Variants in TMEM117 observed in about 807,000 individuals in gnomAD.
TMEM117 encodes transmembrane protein 117.
TMEM117 carries 27 observed loss-of-function variants against 52.4 expected under a neutral mutation model. That is an observed-to-expected ratio of 0.51 (90% CI 0.38 to 0.71). TMEM117 has a LOEUF of 0.71. Among genes scored for constraint, TMEM117 ranks in the 30% least tolerant of loss-of-function variants. The pLI, the probability that TMEM117 is intolerant of heterozygous loss-of-function variation, is 0.00. For missense variants in TMEM117, 556 were observed against 630.5 expected (o/e 0.88, Z 1.26); for synonymous variants, 215 against 206.3 (o/e 1.04, Z -0.36).
At chr12:44,103,719 G>A (rs1947903533) in intron 3 of TMEM117, among the ~76,000 whole-genome samples, 1 of 151,962 alleles carries the variant, frequency 6.6e-6, no homozygotes, top group Non-Finnish European at 1.5e-5. Context: ...CAACTATGAG[G>A]TGACAAATGT....
chr12:44,218,214 G>C (rs1359956615), intron 5 of TMEM117, among the ~76,000 whole-genome samples: 5 of 148,706 alleles, frequency 3.4e-5, no homozygotes, highest in South Asian at 4.2e-4. Flanking sequence ...ACAGAGTAAG[G>C]CTCCGTCAAA....
chr12:44,279,259 A>T (rs1362776020), intron 5 of TMEM117, among the ~76,000 whole-genome samples: 1 of 152,180 alleles, frequency 6.6e-6, no homozygotes, highest in Non-Finnish European at 1.5e-5. Flanking sequence ...TTCTCCATTC[A>T]TGAACATAAT....
At chr12:44,145,879 C>T (rs1948635859) in intron 4 of TMEM117, among the ~76,000 whole-genome samples, 1 of 152,144 alleles carries the variant, frequency 6.6e-6, no homozygotes, top group Admixed American at 6.5e-5. Context: ...TCATGCCAGC[C>T]ATTTATTACA....
the TMEM117 span, among the ~76,000 whole-genome samples, chr12:43,810,488 T>C: frequency 4.6e-5 from 7 of 152,180 alleles, no homozygotes; most frequent in African/African-American, 1.4e-4. Flanking sequence ...CACAGGCCAC[T>C]CCAGACTTTC....
chr12:43,976,745 A>G (rs541364767), intron 3 of TMEM117, among the ~76,000 whole-genome samples: 3 of 152,166 alleles, frequency 2.0e-5, no homozygotes, highest in Admixed American at 1.3e-4. Flanking sequence ...CTGATCTCCT[A>G]CATCTCCCCC....
chr12:43,925,969 A>G (rs1944772062), intron 2 of TMEM117, among the ~76,000 whole-genome samples: 1 of 152,228 alleles, frequency 6.6e-6, no homozygotes, highest in South Asian at 2.1e-4. Flanking sequence ...GCCACTTGCC[A>G]TGTATGTGCA....
At chr12:44,099,468 T>C in intron 3 of TMEM117, among the ~76,000 whole-genome samples, 1 of 152,080 alleles carries the variant, frequency 6.6e-6, no homozygotes, top group East Asian at 1.9e-4. Context: ...TGTGGAAGTT[T>C]AATTATTTAC....
chr12:44,377,948 A>G (rs570115665), intron 7 of TMEM117, among the ~76,000 whole-genome samples: 1 of 152,282 alleles, frequency 6.6e-6, no homozygotes, highest in East Asian at 1.9e-4. Flanking sequence ...CCTATTCAAA[A>G]TGAATGAGGC....
intron 2 of TMEM117, among the ~76,000 whole-genome samples, chr12:43,912,563 G>T (rs1416845296): frequency 1.4e-5 from 2 of 144,478 alleles, no homozygotes; most frequent in Non-Finnish European, 3.0e-5. Context: ...CATGTGGGCA[G>T]GGATTTTTAT....
At chr12:44,376,788 C>G in intron 7 of TMEM117, 64 bp downstream of exon 7, 2 of 1,488,734 alleles carry the variant, frequency 1.3e-6, no homozygotes. Flanking sequence ...ATGCTAGTTG[C>G]TGTAAAAAGC....
intron 3 of TMEM117, among the ~76,000 whole-genome samples, chr12:44,071,810 T>C (rs938870531): frequency 5.3e-5 from 8 of 152,260 alleles, no homozygotes; most frequent in African/African-American, 1.7e-4. Flanking sequence ...AGTCTGGTGA[T>C]TGGTTCTCAA....
In TMEM117 at chr12:44,386,895, CTAGA is replaced by C. The variant is rs1452172649; in HGVS notation, c.899-1128_899-1125del. ...TTATGTCTTTTATATTTTTATGTAGCTAGATATTTTGTTAGACTGTATATTGCCA... is the reference window on the plus strand; with the variant it reads ...TTATGTCTTTTATATTTTTATGTAGCTATTTTGTTAGACTGTATATTGCCA... On this transcript the variant is annotated intron_variant, in intron 7 of 7. Coordinates refer to ENST00000266534, the MANE Select transcript of TMEM117 (RefSeq NM_032256.3). 1.1e-4 allele frequency among the ~76,000 whole-genome samples: 17 copies of C among 151,954 alleles called. No individual in the cohort carries two copies. The East Asian group carries it at 2.9e-3, about 26-fold the overall frequency.
chr12:44,162,826 A>G (rs1948915554), intron 4 of TMEM117, among the ~76,000 whole-genome samples: 1 of 152,164 alleles, frequency 6.6e-6, no homozygotes, highest in Admixed American at 6.6e-5. Flanking sequence ...TTGCATGATG[A>G]CCTTTCTCAA....
intron 3 of TMEM117, among the ~76,000 whole-genome samples, chr12:44,080,387 C>T (rs1252273046): frequency 6.6e-6 from 1 of 152,132 alleles, no homozygotes; most frequent in East Asian, 1.9e-4. Context: ...AACTCACTAT[C>T]ATGAGAACAG....
intron 2 of TMEM117, among the ~76,000 whole-genome samples, chr12:43,933,879 A>G (rs1169043447): frequency 2.0e-5 from 3 of 152,194 alleles, no homozygotes; most frequent in Non-Finnish European, 4.4e-5. Flanking sequence ...CAATAGTGAC[A>G]ATCTCTAATG....
At chr12:44,046,625 G>A (rs1946884567) in intron 3 of TMEM117, among the ~76,000 whole-genome samples, 1 of 152,166 alleles carries the variant, frequency 6.6e-6, no homozygotes, top group Non-Finnish European at 1.5e-5. Flanking sequence ...TACAGAATGG[G>A]TAGTAGAAGA....
intron 3 of TMEM117, among the ~76,000 whole-genome samples, chr12:44,122,981 G>T (rs936469137): frequency 3.3e-5 from 5 of 152,186 alleles, no homozygotes; most frequent in Non-Finnish European, 5.9e-5. Flanking sequence ...TTGAGGAATT[G>T]CCACATTGTC....
At chr12:44,175,720 G>A (rs1018929798) in intron 4 of TMEM117, among the ~76,000 whole-genome samples, 2 of 152,136 alleles carry the variant, frequency 1.3e-5, no homozygotes, top group Non-Finnish European at 2.9e-5. Flanking sequence ...GCTGGAAAAG[G>A]TAGATTGACA....
At chr12:43,959,568 G>T (rs1945368669) in intron 3 of TMEM117, among the ~76,000 whole-genome samples, 1 of 152,224 alleles carries the variant, frequency 6.6e-6, no homozygotes, top group South Asian at 2.1e-4. Context: ...TGATTGAGTA[G>T]TAGAAGCCCA....
Sources: allele counts gnomAD v4.1 joint callset (sites outside exome capture counted in the v4.1 genomes callset), GRCh38; gene constraint gnomAD v4.1.1; transcripts MANE v1.5; gene names NCBI Gene and HGNC (gene_info 2026-07-23, HGNC 2026-07-21).